The following PEBP4 variants were observed in gnomAD, a reference collection of about 807,000 sequenced individuals.
The protein encoded by PEBP4 is phosphatidylethanolamine-binding protein 4.
A neutral mutation model predicts 23.9 loss-of-function variants in PEBP4; 22 were observed. That is an observed-to-expected ratio of 0.92 (90% CI 0.66 to 1.31). The LOEUF (loss-of-function observed/expected upper bound fraction) is 1.31, where lower values mean the gene tolerates loss of function less well. Among genes scored for constraint, PEBP4 ranks in the 40% most tolerant of loss-of-function variants. PEBP4 has a pLI of 0.00. For synonymous variants in PEBP4, 112 were observed against 99.3 expected (o/e 1.13, Z -0.76); for missense variants, 324 against 281.7 (o/e 1.15, Z -1.07).
Position 22,727,136 on chromosome 8 carries a change from G to A in PEBP4, c.403+39C>T, listed in dbSNP as rs549495141. 6 of 1,607,618 alleles carry A rather than the reference G, an allele frequency of 3.7e-6. No homozygotes were observed. The African/African-American group carries it at 6.7e-5, about 18-fold the overall frequency. ...TTTGATTCCTGTGATCGTCACTGAT[G>A]CCCTGGCTGGGGGAAGGGGTCCCTA... On this transcript the variant is annotated intron_variant, in intron 5 of 6. Coordinates refer to ENST00000256404, the MANE Select transcript of PEBP4 (RefSeq NM_144962.3).
chr8:22,924,269 C>A (rs1015542586), intron 2 of PEBP4, among the ~76,000 whole-genome samples: 2 of 152,148 alleles, frequency 1.3e-5, no homozygotes, highest in African/African-American at 4.8e-5. Context: ...GACGTTGAGG[C>A]AGGAGGATTG....
intron 3 of PEBP4, among the ~76,000 whole-genome samples, chr8:22,873,408 T>C (rs948152402): frequency 4.6e-5 from 7 of 152,050 alleles, no homozygotes; most frequent in African/African-American, 1.2e-4. Flanking sequence ...GCGAGGAGGA[T>C]TGTTTGAAGC....
intron 3 of PEBP4, among the ~76,000 whole-genome samples, chr8:22,829,704 C>G (rs1807040724): frequency 6.6e-6 from 1 of 152,116 alleles, no homozygotes; most frequent in Non-Finnish European, 1.5e-5. Context: ...TTCTCCTTTT[C>G]CTCCTCATCA....
At chr8:22,858,713 G>A (rs146205122) in intron 3 of PEBP4, among the ~76,000 whole-genome samples, 9 of 152,328 alleles carry the variant, frequency 5.9e-5, no homozygotes, top group Non-Finnish European at 8.8e-5. Context: ...TTGGGAGGCC[G>A]AGGCAGGTGG....
Position 22,805,295 on chromosome 8 carries a change from G to A in PEBP4, c.357+12342C>T, listed in dbSNP as rs1806472164. ...ACTATGGACTTTGGGTGATAAAGAT[G>A]TAGGTTCACGGATTGTTAGCAATCG... On this transcript the variant is annotated intron_variant, in intron 4 of 6. Transcript: ENST00000256404. Among the ~76,000 whole-genome samples the A allele has an allele frequency of 3.9e-5, 6 of 152,328 alleles. No homozygotes were observed. In the South Asian group the frequency reaches 1.2e-3, roughly 32 times the overall value.
At chr8:22,921,497 C>T (rs1003665021) in intron 2 of PEBP4, among the ~76,000 whole-genome samples, 1 of 152,218 alleles carries the variant, frequency 6.6e-6, no homozygotes, top group African/African-American at 2.4e-5. Context: ...TGGTGGGGAA[C>T]CCTGCATTGC....
intron 3 of PEBP4, among the ~76,000 whole-genome samples, chr8:22,901,784 T>G (rs990371035): frequency 6.6e-6 from 1 of 152,232 alleles, no homozygotes; most frequent in Non-Finnish European, 1.5e-5. Flanking sequence ...CACCGTTCTG[T>G]GACAGATGTT....
chr8:22,778,988 G>A (rs755046394), intron 4 of PEBP4, among the ~76,000 whole-genome samples: 1 of 151,692 alleles, frequency 6.6e-6, no homozygotes, highest in Non-Finnish European at 1.5e-5. Flanking sequence ...CTGCGTGGGG[G>A]GCACGGGCTG....
At position 22,927,649 on chromosome 8, in the gene PEBP4, T is replaced by C; in HGVS notation, c.66A>G (p.Gly22=). ...CACACGGGCTGTTCTCATCCTCGTC[T>C]CCAGTGACCACCATCATGAGACCCA... The part of the protein sequence containing the change: ...LLLGLMMVVT[G]DEDENSPCAH... Residue 22 remains glycine (G), a synonymous_variant, in exon 2 of 7, where the codon GGA becomes GGG. Transcript: ENST00000256404. 1.2e-6 allele frequency: 2 copies of C among 1,613,988 alleles called. No individual in the cohort carries two copies. Among genetic ancestry groups the C allele is most frequent in the Non-Finnish European group, 1.7e-6 (2 of 1,179,896 alleles).
At chr8:22,873,159 C>T (rs556220318) in intron 3 of PEBP4, among the ~76,000 whole-genome samples, 1 of 152,298 alleles carries the variant, frequency 6.6e-6, no homozygotes, top group South Asian at 2.1e-4. Flanking sequence ...GAAGCTGGTA[C>T]AGTTATTGGC....
chr8:22,725,008 G>T, intron 5 of PEBP4, 52 bp from the exon 6 acceptor site: 1 of 1,476,566 alleles, frequency 6.8e-7, no homozygotes, highest in South Asian at 1.1e-5. Flanking sequence ...TACTACCGAG[G>T]GCAGAGCTCT....
intron 4 of PEBP4, among the ~76,000 whole-genome samples, chr8:22,761,113 GCCCCAAAGCCTGGAGC>G (rs1402754405): frequency 2.0e-5 from 3 of 152,076 alleles, no homozygotes; most frequent in African/African-American, 7.2e-5. Context: ...ACCCTGCCAG[GCCCCAAAGCCTGGAGC>G]CTCCCCAGCA....
intron 4 of PEBP4, among the ~76,000 whole-genome samples, chr8:22,790,333 G>T (rs1806113593): frequency 6.6e-6 from 1 of 152,176 alleles, no homozygotes; most frequent in Non-Finnish European, 1.5e-5. Flanking sequence ...TTATCCTCAG[G>T]CCATGTGGAA....
intron 4 of PEBP4, among the ~76,000 whole-genome samples, chr8:22,816,935 C>A (rs1159027702): frequency 6.6e-6 from 1 of 152,148 alleles, no homozygotes; most frequent in Non-Finnish European, 1.5e-5. Context: ...GCTCCAAAAG[C>A]CCTTGAGTGA....
At chr8:22,726,384 C>T (rs184082569) in intron 5 of PEBP4, among the ~76,000 whole-genome samples, 1 of 152,306 alleles carries the variant, frequency 6.6e-6, no homozygotes, top group African/African-American at 2.4e-5. Flanking sequence ...AACTGGTGAC[C>T]TCAGTTCTGT....
intron 4 of PEBP4, among the ~76,000 whole-genome samples, chr8:22,786,145 A>C (rs1381042923): frequency 6.6e-6 from 1 of 152,178 alleles, no homozygotes; most frequent in Non-Finnish European, 1.5e-5. Context: ...AGAAACACTA[A>C]ACCGTTTGTT....
In PEBP4 at chr8:22,775,105, C is replaced by G. The variant is rs998489286; in HGVS notation, c.357+42532G>C. On this transcript the variant is annotated intron_variant, in intron 4 of 6. Coordinates refer to ENST00000256404, the MANE Select transcript of PEBP4 (RefSeq NM_144962.3). The surrounding 1 kb of genome is among the most constrained non-coding windows in gnomAD (Gnocchi z 4.8). The stretch of plus-strand genomic sequence containing the variant: ...CCATGTGATACATTTTCCGTTGCCT[C>G]TCTGGCATCAGTTTCCCCACCTGTA... Among the ~76,000 whole-genome samples, 1 of 152,248 alleles carries G rather than the reference C, an allele frequency of 6.6e-6. No homozygotes were observed. The highest frequency in any genetic ancestry group is 1.5e-5 in the Non-Finnish European group (1 of 68,034).
At chr8:22,856,553 C>T (rs1807655005) in intron 3 of PEBP4, among the ~76,000 whole-genome samples, 1 of 152,072 alleles carries the variant, frequency 6.6e-6, no homozygotes, top group Non-Finnish European at 1.5e-5. Flanking sequence ...CCCGTCTCTA[C>T]TAAAAACACA....
At chr8:22,805,796 A>T (rs191078642) in intron 4 of PEBP4, among the ~76,000 whole-genome samples, 4,763 of 136,594 alleles carry the variant, frequency 0.035, 96 homozygotes, top group South Asian at 0.091. Flanking sequence ...ATTTTTTTTT[A>T]AAAAAAAGGG....
Sources: allele counts gnomAD v4.1 joint callset (sites outside exome capture counted in the v4.1 genomes callset), GRCh38; gene constraint gnomAD v4.1.1; non-coding constraint Gnocchi (gnomAD v3.1); transcripts MANE v1.5; gene names NCBI Gene and HGNC (gene_info 2026-07-23, HGNC 2026-07-21).